GPR63: variants seen among roughly 807,000 people sequenced by gnomAD.
GPR63 encodes the protein G protein-coupled receptor 63.
Under a neutral mutation model 23.1 loss-of-function variants are expected in GPR63, and 12 were observed. The observed-to-expected ratio is 0.52, with a 90% CI of 0.33 to 0.84. The LOEUF (loss-of-function observed/expected upper bound fraction) is 0.84, where lower values mean the gene tolerates loss of function less well. Among genes scored for constraint, GPR63 ranks in the 40% least tolerant of loss-of-function variants. The probability of loss-of-function intolerance (pLI) is 0.02; values close to 1 mark genes in which losing one functional copy is unlikely to be tolerated. For synonymous variants in GPR63, 172 were observed against 191.1 expected, an observed-to-expected ratio of 0.90 and a Z score of 0.82; for missense variants, 472 against 515.6, an observed-to-expected ratio of 0.92 and a Z score of 0.82.
chr6:96,806,125 T>A (rs1217399522), intron 1 of GPR63, among the ~76,000 whole-genome samples: 1 of 152,226 alleles, frequency 6.6e-6, no homozygotes. Context: ...TTCTAGTCCA[T>A]AGAATGTTAT....
chr6:96,818,726 T>A (rs1774225177), intron 1 of GPR63, among the ~76,000 whole-genome samples: 1 of 152,092 alleles, frequency 6.6e-6, no homozygotes, highest in African/African-American at 2.4e-5. Flanking sequence ...TTAACACACA[T>A]CAGGGTGAAC....
intron 1 of GPR63, among the ~76,000 whole-genome samples, chr6:96,824,940 A>G (rs913886233): frequency 2.6e-5 from 4 of 152,200 alleles, no homozygotes; most frequent in African/African-American, 9.6e-5. Context: ...CCCATAGGAA[A>G]TTCAATGGCT....
At chr6:96,803,493 A>T (rs1773822913) in intron 1 of GPR63, among the ~76,000 whole-genome samples, 1 of 152,258 alleles carries the variant, frequency 6.6e-6, no homozygotes, top group African/African-American at 2.4e-5. Flanking sequence ...TTCAATTTAA[A>T]ATACTAAGGA....
rs1447531364 is a variant in GPR63, at chr6:96,821,037, A to G, written c.-151+16231T>C. On this transcript the variant is annotated intron_variant, in intron 1 of 1. Coordinates refer to ENST00000229955, the MANE Select transcript of GPR63 (RefSeq NM_030784.4). ...TCCCACACTCTTCCTCCAGAAGCTC[A>G]TTGTGCCCACCTTGGCAGTGGTCAG... Among the ~76,000 whole-genome samples the G allele has an allele frequency of 5.3e-5, 8 of 152,306 alleles. No homozygotes were observed. The East Asian group carries it at 1.3e-3, about 26-fold the overall frequency.
Position 96,798,424 on chromosome 6 carries a change from T to A in GPR63, c.*48A>T, listed in dbSNP as rs937893828. ...AGAGGCTATGAGAAAGAGAATTCAA[T>A]GTCAATAAAGAACAAGCATCACCCA... On this transcript the variant is annotated 3_prime_UTR_variant, in exon 2 of 2. Coordinates refer to ENST00000229955, the MANE Select transcript of GPR63 (RefSeq NM_030784.4). The A allele has an allele frequency of 6.4e-7, 1 of 1,572,488 alleles. No homozygotes were observed. Among genetic ancestry groups the A allele is most frequent in the Non-Finnish European group, 8.6e-7 (1 of 1,157,928 alleles).
Position 96,798,572 on chromosome 6 carries a change from G to A in GPR63, c.1160C>T (p.Pro387Leu). The change falls in exon 2 of 2, where the codon CCT becomes CTT. Residue 387 changes from proline (P) to leucine (L), a missense_variant. Pro to Leu is a moderately conservative substitution (Grantham distance 98). Coordinates refer to ENST00000229955, the MANE Select transcript of GPR63 (RefSeq NM_030784.4). ...CTGCGGCAAAAACTTGAAGGACTTA[G>A]GCATCATGTCCAGGCAAGCATCATG... ...KFHDACLDMM[P>L]KSFKFLPQLP... The A allele has an allele frequency of 6.2e-7, 1 of 1,614,180 alleles. No individual in the cohort carries two copies. The highest frequency in any genetic ancestry group is 8.5e-7 in the Non-Finnish European group (1 of 1,180,024).
intron 1 of GPR63, among the ~76,000 whole-genome samples, chr6:96,834,073 T>C (rs1163414442): frequency 6.6e-6 from 1 of 152,206 alleles, no homozygotes; most frequent in Non-Finnish European, 1.5e-5. Flanking sequence ...TTGAGTTTTC[T>C]GAATCTTCTG....
In GPR63 at chr6:96,837,417, A is replaced by C. The variant is rs1268458815; in HGVS notation, c.-300T>G. 1 of 153,978 alleles carries C rather than the reference A, an allele frequency of 6.5e-6. No homozygotes were observed. Among genetic ancestry groups the C allele is most frequent in the Non-Finnish European group, 1.4e-5 (1 of 68,970 alleles). 9.5% of individuals were successfully genotyped at this position (153,978 alleles called of 1,614,324 possible). ...GGCGGAGGAGGAAGGAGGACAACGA[A>C]GAGGAGGTGGTGGCGGCGGCGGCGA... On this transcript the variant is annotated 5_prime_UTR_variant, in exon 1 of 2. Coordinates refer to ENST00000229955, the MANE Select transcript of GPR63 (RefSeq NM_030784.4).
intron 1 of GPR63, among the ~76,000 whole-genome samples, chr6:96,834,636 T>C (rs1355187295): frequency 1.3e-5 from 2 of 151,894 alleles, no homozygotes; most frequent in East Asian, 3.8e-4. Context: ...TAAACACATT[T>C]CTGGTAAACA....
intron 1 of GPR63, among the ~76,000 whole-genome samples, chr6:96,829,617 T>G (rs1774529092): frequency 6.6e-6 from 1 of 152,124 alleles, no homozygotes; most frequent in Admixed American, 6.5e-5. Context: ...AGGAGATCGT[T>G]TAAGCCCAGG....
intron 1 of GPR63, 144 bp from the exon 2 acceptor site, chr6:96,800,025 C>T (rs1773721668): frequency 2.7e-6 from 1 of 373,994 alleles, no homozygotes. Flanking sequence ...GTGTAGTCAA[C>T]ACTAAAATAT....
chr6:96,829,334 A>G (rs1283343574), intron 1 of GPR63, among the ~76,000 whole-genome samples: 1 of 152,220 alleles, frequency 6.6e-6, no homozygotes, highest in Admixed American at 6.5e-5. Flanking sequence ...ACCTACAACC[A>G]CAACAAAATA....
At chr6:96,815,175 G>A (rs1193081220) in intron 1 of GPR63, among the ~76,000 whole-genome samples, 5 of 152,212 alleles carry the variant, frequency 3.3e-5, no homozygotes, top group Non-Finnish European at 5.9e-5. Flanking sequence ...CCAGGAGCGA[G>A]ATAATTTAAC....
intron 1 of GPR63, among the ~76,000 whole-genome samples, chr6:96,834,670 A>C (rs1037742421): frequency 6.6e-6 from 1 of 152,218 alleles, no homozygotes; most frequent in African/African-American, 2.4e-5. Flanking sequence ...AGAAAAAAAA[A>C]CCGCCTAACA....
chr6:96,806,322 A>C (rs988073903), intron 1 of GPR63, among the ~76,000 whole-genome samples: 1 of 152,216 alleles, frequency 6.6e-6, no homozygotes, highest in Admixed American at 6.5e-5. Context: ...GCCTACCACT[A>C]ATACAGAGAC....
chr6:96,807,296 C>A (rs1773919981), intron 1 of GPR63, among the ~76,000 whole-genome samples: 1 of 152,186 alleles, frequency 6.6e-6, no homozygotes, highest in Non-Finnish European at 1.5e-5. Context: ...ATGTGCTCAG[C>A]AACATGGACT....
At chr6:96,823,862 GGT>G (rs1394263635) in intron 1 of GPR63, among the ~76,000 whole-genome samples, 1 of 152,098 alleles carries the variant, frequency 6.6e-6, no homozygotes, top group Non-Finnish European at 1.5e-5. Flanking sequence ...ATGCTTTACA[GGT>G]TTGTAGCCCA....
chr6:96,823,102 A>G (rs1262001797), intron 1 of GPR63, among the ~76,000 whole-genome samples: 1 of 152,226 alleles, frequency 6.6e-6, no homozygotes, highest in East Asian at 1.9e-4. Context: ...TAGCACATAC[A>G]GCACATAATA....
At chr6:96,810,583 A>AATCTAGAAT (rs1774017311) in intron 1 of GPR63, among the ~76,000 whole-genome samples, 1 of 152,164 alleles carries the variant, frequency 6.6e-6, no homozygotes, top group African/African-American at 2.4e-5. Context: ...ACAATAGGTC[A>AATCTAGAAT]ATCTAGAATA....
Sources: gnomAD v4.1 joint callset for allele counts (sites outside exome capture counted in the v4.1 genomes callset) on GRCh38, gnomAD v4.1.1 for gene constraint, MANE v1.5 for transcripts, NCBI Gene and HGNC (gene_info 2026-07-23, HGNC 2026-07-21) for gene names.